The following CACNG7 variants were observed in gnomAD, a reference collection of about 807,000 sequenced individuals.
The protein encoded by CACNG7 is calcium voltage-gated channel auxiliary subunit gamma 7, also known as voltage-dependent calcium channel gamma-7 subunit.
CACNG7 carries 9 observed loss-of-function variants against 26.3 expected under a neutral mutation model. The observed-to-expected ratio is 0.34, with a 90% CI of 0.21 to 0.60. The LOEUF (loss-of-function observed/expected upper bound fraction) is 0.60. Among genes scored for constraint, CACNG7 ranks in the 20% least tolerant of loss-of-function variants. The probability of loss-of-function intolerance (pLI) is 0.81; values close to 1 mark genes in which losing one functional copy is unlikely to be tolerated. For synonymous variants in CACNG7, 170 were observed against 157.0 expected, an observed-to-expected ratio of 1.08 and a Z score of -0.62; for missense variants, 297 against 380.4, an observed-to-expected ratio of 0.78 and a Z score of 1.82.
At chr19:53,933,297 ATTTTTTT>A (rs1009491295) in intron 4 of CACNG7, among the ~76,000 whole-genome samples, 11 of 126,062 alleles carry the variant, frequency 8.7e-5, no homozygotes, top group East Asian at 2.3e-4. Flanking sequence ...CGCCTGGCCA[ATTTTTTT>A]TTTTTTTTTT....
chr19:53,922,213 T>TATTGGTGGAGTTGCCCCAGGTCTGGTC (rs2068964686), intron 4 of CACNG7, among the ~76,000 whole-genome samples: 1 of 84,472 alleles, frequency 1.2e-5, no homozygotes, highest in Non-Finnish European at 2.3e-5. Flanking sequence ...CCAGGTCTGG[T>TATTGGTGGAGTTGCCCCAGGTCTGGTC]ATTGGTGGAG....
intron 4 of CACNG7, among the ~76,000 whole-genome samples, chr19:53,931,878 C>T (rs1167983888): frequency 6.7e-6 from 1 of 149,326 alleles, no homozygotes; most frequent in Non-Finnish European, 1.5e-5. Context: ...TTTCCTGCCT[C>T]AGCCTCCCGA....
At chr19:53,913,155 A>G in intron 2 of CACNG7, 128 bp downstream of exon 2, 1 of 837,682 alleles carries the variant, frequency 1.2e-6, no homozygotes, top group Non-Finnish European at 1.8e-6. Context: ...CTGGAAGTTC[A>G]AATTTCTACG....
intron 4 of CACNG7, among the ~76,000 whole-genome samples, chr19:53,934,472 C>G (rs1242304279): frequency 6.6e-6 from 1 of 152,112 alleles, no homozygotes; most frequent in Non-Finnish European, 1.5e-5. Context: ...GTAGGTTTTT[C>G]TTTTTACAAT....
At chr19:53,924,007 G>T (rs1264733822) in intron 4 of CACNG7, among the ~76,000 whole-genome samples, 1 of 123,728 alleles carries the variant, frequency 8.1e-6, no homozygotes, top group Non-Finnish European at 1.7e-5. Flanking sequence ...TGGTGGAGTT[G>T]TCCCCAGGCC....
Position 53,924,211 on chromosome 19 carries a change from G to C in CACNG7, c.424+8706G>C, listed in dbSNP as rs555888840. Among the ~76,000 whole-genome samples the C allele has an allele frequency of 5.0e-4, 75 of 149,008 alleles. 1 individual carries two copies. In the East Asian group the frequency reaches 0.013, roughly 26 times the overall value. ...TCATTGGTGGAGTTGTCCCAGGTCT[G>C]GTCATTGGTGCAGTTGCCCCAGGTC... On this transcript the variant is annotated intron_variant, in intron 4 of 5. Coordinates refer to ENST00000391767, the MANE Select transcript of CACNG7 (RefSeq NM_031896.5).
At chr19:53,920,354 C>T (rs1453414878) in intron 4 of CACNG7, among the ~76,000 whole-genome samples, 1 of 116,960 alleles carries the variant, frequency 8.5e-6, no homozygotes. Context: ...GGAGTTTCCC[C>T]AGGTCTGGTC....
At chr19:53,917,126 C>A (rs1405535482) in intron 4 of CACNG7, among the ~76,000 whole-genome samples, 1 of 152,038 alleles carries the variant, frequency 6.6e-6, no homozygotes, top group African/African-American at 2.4e-5. Flanking sequence ...TGTTACTCTC[C>A]TCCAAATTTC....
chr19:53,923,099 G>GT (rs1327011784), intron 4 of CACNG7, among the ~76,000 whole-genome samples: 17 of 121,046 alleles, frequency 1.4e-4, no homozygotes, highest in South Asian at 2.9e-4. Flanking sequence ...GTTGTCCCAG[G>GT]CTGGTCATTG....
Position 53,934,382 on chromosome 19 carries a change from T to C in CACNG7, c.425-7088T>C, listed in dbSNP as rs1288500083. Among the ~76,000 whole-genome samples, 6 of 152,186 alleles carry C rather than the reference T, an allele frequency of 3.9e-5. No homozygotes were observed. In the East Asian group the frequency reaches 1.2e-3, roughly 29 times the overall value. On this transcript the variant is annotated intron_variant, in intron 4 of 5. Coordinates refer to ENST00000391767, the MANE Select transcript of CACNG7 (RefSeq NM_031896.5). ...TCACGTTACTCCAGGGAGCAAATAA[T>C]GTCAGGTTGTCCCACAGTGAGTGGT...
At position 53,915,427 on chromosome 19, in the gene CACNG7, G is replaced by A. The variant is rs553878683; in HGVS notation, c.346G>A (p.Val116Ile). 1.2e-5 allele frequency: 19 copies of A among 1,613,936 alleles called. No individual in the cohort carries two copies. Among genetic ancestry groups the A allele is most frequent in the Middle Eastern group, 1.7e-4 (1 of 6,060 alleles). ...VSLFLVFTAF[V>I]ISNIGHIRPQ... is the part of the protein sequence containing the mutation. The stretch of plus-strand genomic sequence containing the variant: ...CCTCTTCCTCGTGTTCACGGCCTTC[G>A]TCATCAGCAACATCGGCCACATCCG... The change falls in exon 4 of 6, where the codon GTC (valine) becomes ATC (isoleucine). Residue 116 changes from valine (V) to isoleucine (I), a missense_variant. Val to Ile is a conservative substitution (Grantham distance 29). Transcript: ENST00000391767.
intron 5 of CACNG7, 38 bp downstream of exon 5, chr19:53,941,653 GGA>G: frequency 6.3e-7 from 1 of 1,594,572 alleles, no homozygotes; most frequent in Non-Finnish European, 8.5e-7. Context: ...AGTTCTGAAT[GGA>G]GAGAGGTCTT....
chr19:53,942,404 G>C lies in CACNG7; in HGVS notation c.*111G>C. On this transcript the variant is annotated 3_prime_UTR_variant, in exon 6 of 6. Coordinates refer to ENST00000391767, the MANE Select transcript of CACNG7 (RefSeq NM_031896.5). The surrounding 1 kb of genome is among the most constrained non-coding windows in gnomAD (Gnocchi z 5.9). ...CGGGACTCCTCGCTCCCACCCGGAG[G>C]AGGCTGCGCCAGCTTTAGGCCCCGC... The C allele has an allele frequency of 2.7e-6, 4 of 1,509,290 alleles. No individual in the cohort carries two copies. Among genetic ancestry groups the C allele is most frequent in the Non-Finnish European group, 3.5e-6 (4 of 1,132,676 alleles). The allele number at this position is 1,509,290 out of a possible 1,614,324, so 93.5% of individuals were successfully genotyped here.
At position 53,912,760 on chromosome 19, in the gene CACNG7, G is replaced by A; in HGVS notation, c.-29-43G>A. 2 of 1,518,218 alleles carry A rather than the reference G, an allele frequency of 1.3e-6. No individual in the cohort carries two copies. The highest frequency in any genetic ancestry group is 1.8e-6 in the Non-Finnish European group (2 of 1,107,310). The allele number at this position is 1,518,218 out of a possible 1,614,324, so 94.0% of individuals were successfully genotyped here. A position where few individuals can be genotyped will look rare whatever the true frequency, so the allele number is the denominator to read the frequency against. On this transcript the variant is annotated intron_variant, in intron 1 of 5. Coordinates refer to ENST00000391767, the MANE Select transcript of CACNG7 (RefSeq NM_031896.5). The surrounding 1 kb of genome is among the most constrained non-coding windows in gnomAD (Gnocchi z 4.6). ...GTTGCTGCATGGGGTCAAGCACTCT[G>A]GTCGGTCCCATGGAGCTCTGCACTG...
intron 4 of CACNG7, among the ~76,000 whole-genome samples, chr19:53,934,974 C>CCTTT (rs997765517): frequency 2.6e-5 from 4 of 151,802 alleles, no homozygotes; most frequent in African/African-American, 7.3e-5. Context: ...ACAACATTTG[C>CCTTT]CTTTCTGTCT....
intron 4 of CACNG7, among the ~76,000 whole-genome samples, chr19:53,928,261 GTATT>G (rs111971167): frequency 0.037 from 5,509 of 150,686 alleles, 254 homozygotes; most frequent in African/African-American, 0.11. Context: ...ATGGAGATTG[GTATT>G]TATTTATTTA....
At chr19:53,910,323 G>C (rs1221785662) in intron 1 of CACNG7, among the ~76,000 whole-genome samples, 1 of 150,442 alleles carries the variant, frequency 6.6e-6, no homozygotes, top group Non-Finnish European at 1.5e-5. Flanking sequence ...GCTGGCCAGA[G>C]CGTTCCCTGA....
At chr19:53,923,569 G>A (rs2068986686) in intron 4 of CACNG7, among the ~76,000 whole-genome samples, 1 of 135,080 alleles carries the variant, frequency 7.4e-6, no homozygotes, top group East Asian at 2.3e-4. Context: ...GGTCATTGGT[G>A]GAGTTGTCCC....
In CACNG7 at chr19:53,941,453, C is replaced by T. The variant is rs747015317; in HGVS notation, c.425-17C>T. ...GCCCACTTCTAATGGACGAGGGCAC[C>T]CCCTCTGCTCCCCTAGGCCTCTCCT... is the stretch of plus-strand genomic sequence containing the variant. On this transcript the variant is annotated splice_polypyrimidine_tract_variant and intron_variant, in intron 4 of 5. Transcript: ENST00000391767. 4.6e-6 allele frequency: 7 copies of T among 1,512,090 alleles called. No individual in the cohort carries two copies. Among genetic ancestry groups the T allele is most frequent in the Non-Finnish European group, 6.2e-6 (7 of 1,135,958 alleles). 93.7% of individuals were successfully genotyped at this position (1,512,090 alleles called of 1,614,324 possible).
Sources: allele counts gnomAD v4.1 joint callset (sites outside exome capture counted in the v4.1 genomes callset), GRCh38; gene constraint gnomAD v4.1.1; non-coding constraint Gnocchi (gnomAD v3.1); transcripts MANE v1.5; gene names NCBI Gene and HGNC (gene_info 2026-07-23, HGNC 2026-07-21).